NEDD4: variants seen among roughly 807,000 people sequenced by gnomAD.
NEDD4 encodes NEDD4 E3 ubiquitin protein ligase.
NEDD4 carries 99 observed loss-of-function variants against 144.9 expected under a neutral mutation model. That is an observed-to-expected ratio of 0.68 (90% CI 0.58 to 0.81). NEDD4 has a LOEUF of 0.81. Ranked by LOEUF, NEDD4 falls within the 30% of genes least tolerant of loss-of-function variation. The probability of loss-of-function intolerance (pLI) is 0.00; values close to 1 mark genes in which losing one functional copy is unlikely to be tolerated. For missense variants in NEDD4, 985 were observed against 1,065.9 expected (o/e 0.92, Z 1.06); for synonymous variants, 318 against 350.6 (o/e 0.91, Z 1.04).
intron 5 of NEDD4, among the ~76,000 whole-genome samples, chr15:55,885,353 C>T (rs572908588): frequency 2.8e-4 from 42 of 152,220 alleles, no homozygotes; most frequent in African/African-American, 9.6e-4. Context: ...AGGAAATTAT[C>T]TGAAGGTACA....
chr15:55,965,289 C>A (rs558751737), intron 2 of NEDD4, among the ~76,000 whole-genome samples: 1 of 152,228 alleles, frequency 6.6e-6, no homozygotes, highest in East Asian at 1.9e-4. Context: ...GCAGCCTCAA[C>A]CACCCAGACT....
intron 5 of NEDD4, among the ~76,000 whole-genome samples, chr15:55,914,806 G>A (rs1167441183): frequency 6.6e-6 from 1 of 151,668 alleles, no homozygotes; most frequent in Non-Finnish European, 1.5e-5. Flanking sequence ...TTTGATATGG[G>A]TTTTTGTTTA....
At chr15:55,884,598 G>A (rs941813871) in intron 5 of NEDD4, among the ~76,000 whole-genome samples, 3 of 151,942 alleles carry the variant, frequency 2.0e-5, no homozygotes, top group African/African-American at 7.3e-5. Flanking sequence ...TAACAAAAGA[G>A]ATTAAAATAA....
intron 5 of NEDD4, among the ~76,000 whole-genome samples, chr15:55,880,370 T>C (rs1483868374): frequency 6.6e-6 from 1 of 152,024 alleles, no homozygotes; most frequent in Non-Finnish European, 1.5e-5. Context: ...GCAAGGCACA[T>C]CACCGTGACA....
intron 7 of NEDD4, among the ~76,000 whole-genome samples, chr15:55,870,529 C>CTTTTTT (rs58174546): frequency 1.8e-4 from 21 of 117,416 alleles, no homozygotes; most frequent in Admixed American, 2.7e-4. Context: ...TCTTCTTCTT[C>CTTTTTT]TTTTTTTTTT....
chr15:55,954,631 T>G (rs2037304874), intron 2 of NEDD4, among the ~76,000 whole-genome samples: 1 of 152,118 alleles, frequency 6.6e-6, no homozygotes, highest in African/African-American at 2.4e-5. Flanking sequence ...TTCAAGTGAT[T>G]CTTTTGCCTC....
At chr15:55,882,751 C>A (rs2035240746) in intron 5 of NEDD4, among the ~76,000 whole-genome samples, 1 of 152,146 alleles carries the variant, frequency 6.6e-6, no homozygotes, top group African/African-American at 2.4e-5. Context: ...GTGCAGCATG[C>A]AGCTCTGAAA....
chr15:55,838,638 A>G, intron 21 of NEDD4, 34 bp from the exon 22 acceptor site: 3 of 1,457,842 alleles, frequency 2.1e-6, no homozygotes, highest in Middle Eastern at 3.5e-4. Flanking sequence ...TAAAATTTGT[A>G]TCTATAACAC....
intron 4 of NEDD4, among the ~76,000 whole-genome samples, chr15:55,929,585 G>C (rs1384680965): frequency 6.6e-6 from 1 of 151,970 alleles, no homozygotes; most frequent in African/African-American, 2.4e-5. Context: ...AACATGTGGT[G>C]GTTGGTTTTC....
chr15:55,944,646 C>CATGGGATTT (rs761829834), intron 4 of NEDD4, among the ~76,000 whole-genome samples: 65 of 152,312 alleles, frequency 4.3e-4, no homozygotes, highest in Non-Finnish European at 7.8e-4. Context: ...GTTCTCCCAG[C>CATGGGATTT]ATGGGATTTG....
intron 5 of NEDD4, among the ~76,000 whole-genome samples, chr15:55,890,946 A>T (rs768095099): frequency 2.6e-5 from 4 of 152,084 alleles, no homozygotes; most frequent in Non-Finnish European, 5.9e-5. Flanking sequence ...ATCTCTTACA[A>T]TCTTCCCTAC....
chr15:55,940,602 G>A (rs748855054), intron 4 of NEDD4, among the ~76,000 whole-genome samples: 35 of 148,338 alleles, frequency 2.4e-4, no homozygotes, highest in Non-Finnish European at 3.1e-4. Context: ...TGTTGCCCAC[G>A]GTATCCTCGA....
chr15:55,993,189 G>C (rs796358993), intron 1 of NEDD4, among the ~76,000 whole-genome samples: 1 of 152,200 alleles, frequency 6.6e-6, no homozygotes, highest in African/African-American at 2.4e-5. Context: ...GAAGGGGCTG[G>C]CGCGGTGATG....
intron 4 of NEDD4, among the ~76,000 whole-genome samples, chr15:55,942,282 G>T (rs2037021916): frequency 6.6e-6 from 1 of 152,012 alleles, no homozygotes; most frequent in Non-Finnish European, 1.5e-5. Flanking sequence ...AGTCTAATTT[G>T]GCTAATGTTA....
intron 1 of NEDD4, among the ~76,000 whole-genome samples, chr15:55,988,650 T>A (rs2037937702): frequency 6.6e-6 from 1 of 152,166 alleles, no homozygotes; most frequent in Admixed American, 6.5e-5. Context: ...GGATGGTATC[T>A]GTGGATTGAA....
At chr15:55,986,842 G>A (rs28884883) in intron 1 of NEDD4, among the ~76,000 whole-genome samples, 23,431 of 151,426 alleles carry the variant, frequency 0.15, 3,390 homozygotes, top group East Asian at 0.43. Context: ...TGATCCACCC[G>A]TCTCGGCCTC....
intron 4 of NEDD4, among the ~76,000 whole-genome samples, chr15:55,944,717 G>T (rs1472012701): frequency 6.6e-6 from 1 of 152,152 alleles, no homozygotes; most frequent in Non-Finnish European, 1.5e-5. Flanking sequence ...TAGCCTAACT[G>T]GGAGACACTT....
At chr15:55,889,241 T>G (rs1342755551) in intron 5 of NEDD4, among the ~76,000 whole-genome samples, 6 of 152,154 alleles carry the variant, frequency 3.9e-5, no homozygotes, top group African/African-American at 1.4e-4. Context: ...AGAAAGGAAA[T>G]CAGCGTATTG....
At chr15:55,831,111 G>A (rs1488795615) in intron 27 of NEDD4, among the ~76,000 whole-genome samples, 3 of 152,072 alleles carry the variant, frequency 2.0e-5, no homozygotes, top group Non-Finnish European at 4.4e-5. Context: ...CTAGACATGG[G>A]GTTTCACCAT....
Sources: allele counts gnomAD v4.1 joint callset (sites outside exome capture counted in the v4.1 genomes callset), GRCh38; gene constraint gnomAD v4.1.1; transcripts MANE v1.5; gene names NCBI Gene and HGNC (gene_info 2026-07-23, HGNC 2026-07-21).